Variants in PLCE1 observed in about 807,000 individuals in gnomAD.
The protein encoded by PLCE1 is phospholipase C epsilon 1.
PLCE1 carries 119 observed loss-of-function variants against 242.8 expected under a neutral mutation model. The observed-to-expected ratio is 0.49, with a 90% CI of 0.42 to 0.57. PLCE1 has a LOEUF of 0.57. Among genes scored for constraint, PLCE1 ranks in the 20% least tolerant of loss-of-function variants. The pLI is 0.00. For synonymous variants in PLCE1, 945 were observed against 1,017.4 expected (o/e 0.93, Z 1.35); for missense variants, 2,441 against 2,788.8 (o/e 0.88, Z 2.81).
chr10:94,244,178 T>C (rs1310936824), intron 7 of PLCE1, among the ~76,000 whole-genome samples: 1 of 152,168 alleles, frequency 6.6e-6, no homozygotes. Context: ...AAAGCAAGAA[T>C]GGTAATCTTG....
At chr10:94,211,188 A>G (rs2049320385) in intron 4 of PLCE1, among the ~76,000 whole-genome samples, 1 of 152,196 alleles carries the variant, frequency 6.6e-6, no homozygotes, top group Non-Finnish European at 1.5e-5. Flanking sequence ...CTTTTAGGCC[A>G]TCTGAGGTTA....
chr10:94,227,244 GA>G (rs938125815), intron 4 of PLCE1, 61 bp from the exon 5 acceptor site: 161 of 1,490,724 alleles, frequency 1.1e-4, no homozygotes, highest in South Asian at 1.9e-4. Flanking sequence ...AATGCTTTTG[GA>G]AAAAAAAATT....
At chr10:94,228,606 T>C (rs1241827671) in intron 5 of PLCE1, among the ~76,000 whole-genome samples, 1 of 152,208 alleles carries the variant, frequency 6.6e-6, no homozygotes, top group Non-Finnish European at 1.5e-5. Context: ...TTCATAACAT[T>C]ACTGAGATTT....
chr10:94,320,260 C>G (rs974229247), intron 29 of PLCE1, among the ~76,000 whole-genome samples: 7 of 151,960 alleles, frequency 4.6e-5, no homozygotes, highest in African/African-American at 1.7e-4. Context: ...TCTCTTCCCC[C>G]CCTTCCATTA....
At chr10:94,281,247 TG>T (rs1465699477) in intron 20 of PLCE1, among the ~76,000 whole-genome samples, 1 of 152,238 alleles carries the variant, frequency 6.6e-6, no homozygotes, top group Non-Finnish European at 1.5e-5. Context: ...AGATGTCATA[TG>T]CCCCTATAAG....
intron 16 of PLCE1, among the ~76,000 whole-genome samples, chr10:94,267,522 A>G (rs2051561338): frequency 6.6e-6 from 1 of 152,156 alleles, no homozygotes. Flanking sequence ...CCATGGGGCA[A>G]ATGGGAAGTG....
intron 7 of PLCE1, among the ~76,000 whole-genome samples, chr10:94,242,551 T>G (rs1009737431): frequency 2.0e-5 from 3 of 152,144 alleles, no homozygotes; most frequent in Admixed American, 6.6e-5. Flanking sequence ...CCTCAAGAGA[T>G]TCACCTGTCT....
chr10:94,291,352 A>G (rs140453288), intron 22 of PLCE1, among the ~76,000 whole-genome samples: 131 of 152,308 alleles, frequency 8.6e-4, no homozygotes, highest in Admixed American at 1.8e-3. Flanking sequence ...TCGAAGCTTT[A>G]GTCATGTCAG....
chr10:94,104,926 AC>A (rs2045672924), intron 2 of PLCE1: 1 of 152,228 alleles, frequency 6.6e-6, no homozygotes, highest in African/African-American at 2.4e-5. Context: ...TTAAAATTCA[AC>A]ATGCGCTTTC....
At chr10:94,115,555 TAAATGTCTTCTTCTGAG>T (rs2046097714) in intron 2 of PLCE1, among the ~76,000 whole-genome samples, 1 of 152,242 alleles carries the variant, frequency 6.6e-6, no homozygotes, top group Non-Finnish European at 1.5e-5. Context: ...GTTGGCTGCA[TAAATGTCTTCTTCTGAG>T]AAGTGTCTGT....
intron 4 of PLCE1, among the ~76,000 whole-genome samples, chr10:94,192,269 G>C (rs1012631111): frequency 2.0e-5 from 3 of 152,026 alleles, no homozygotes; most frequent in African/African-American, 7.2e-5. Context: ...TGAGGTTTGG[G>C]GTACAAATGA....
chr10:94,111,673 G>T (rs1037101911), intron 2 of PLCE1, among the ~76,000 whole-genome samples: 18 of 148,064 alleles, frequency 1.2e-4, no homozygotes, highest in Non-Finnish European at 2.2e-4. Flanking sequence ...TCTGGAAGAA[G>T]GAAAGAAGCC....
At chr10:94,072,182 T>C (rs1366170744) in intron 2 of PLCE1, among the ~76,000 whole-genome samples, 1 of 152,254 alleles carries the variant, frequency 6.6e-6, no homozygotes, top group Non-Finnish European at 1.5e-5. Flanking sequence ...TGAATTTGAA[T>C]GTTCTTGGAC....
In PLCE1 at chr10:94,188,581, G is replaced by A. The variant is rs566719459; in HGVS notation, c.1809+17085G>A. ...CCTGCAGCCTGCATAGCTTGGTTTG[G>A]TTTGTTCGTTTGTTTGTTTTGTTTT... On this transcript the variant is annotated intron_variant, in intron 4 of 32. Coordinates refer to ENST00000371380, the MANE Select transcript of PLCE1 (RefSeq NM_016341.4). Among the ~76,000 whole-genome samples the A allele has an allele frequency of 2.6e-5, 4 of 152,192 alleles. No homozygotes were observed. The South Asian group carries it at 8.3e-4, about 32-fold the overall frequency.
intron 29 of PLCE1, among the ~76,000 whole-genome samples, chr10:94,320,294 GA>G (rs959649986): frequency 5.3e-5 from 8 of 151,506 alleles, no homozygotes; most frequent in African/African-American, 1.9e-4. Flanking sequence ...TCATTCATGG[GA>G]AAAAAATCAA....
At chr10:94,087,599 G>A (rs1211279879) in intron 2 of PLCE1, among the ~76,000 whole-genome samples, 1 of 151,814 alleles carries the variant, frequency 6.6e-6, no homozygotes, top group Non-Finnish European at 1.5e-5. Context: ...ACCATGCCCA[G>A]CTAATTTTAA....
chr10:94,006,052 C>T (rs541984874), intron 1 of PLCE1, among the ~76,000 whole-genome samples: 101 of 152,310 alleles, frequency 6.6e-4, no homozygotes, highest in African/African-American at 2.3e-3. Flanking sequence ...CAGGCATACC[C>T]GGGTTTGATC....
chr10:94,162,417 C>T (rs2047647552), intron 3 of PLCE1, among the ~76,000 whole-genome samples: 1 of 152,180 alleles, frequency 6.6e-6, no homozygotes, highest in South Asian at 2.1e-4. Context: ...TTATCCATTT[C>T]TTCTAGATTT....
At chr10:94,148,512 A>G (rs542564396) in intron 3 of PLCE1, among the ~76,000 whole-genome samples, 11 of 152,306 alleles carry the variant, frequency 7.2e-5, no homozygotes, top group African/African-American at 2.6e-4. Flanking sequence ...ATCGGCCACA[A>G]TCAGTTCTCA....
Sources: gnomAD v4.1 joint callset for allele counts (sites outside exome capture counted in the v4.1 genomes callset) on GRCh38, gnomAD v4.1.1 for gene constraint, MANE v1.5 for transcripts, NCBI Gene and HGNC (gene_info 2026-07-23, HGNC 2026-07-21) for gene names.